Variants in CSRNP3 observed in about 807,000 individuals in gnomAD.
CSRNP3 encodes cysteine/serine-rich nuclear protein 3.
CSRNP3 carries 12 observed loss-of-function variants against 48.0 expected under a neutral mutation model. The ratio of observed to expected loss-of-function variants is 0.25; its 90% CI spans 0.16 to 0.41. The LOEUF is 0.41. Ranked by LOEUF, CSRNP3 falls within the 10% of genes least tolerant of loss-of-function variation. The probability of loss-of-function intolerance (pLI) is 1.00; values close to 1 mark genes in which losing one functional copy is unlikely to be tolerated. For synonymous variants in CSRNP3, 263 were observed against 269.7 expected (o/e 0.98, Z 0.24); for missense variants, 580 against 724.4 (o/e 0.80, Z 2.29).
chr2:165,655,142 C>T (rs1686981490), intron 4 of CSRNP3, among the ~76,000 whole-genome samples: 1 of 152,192 alleles, frequency 6.6e-6, no homozygotes, highest in Non-Finnish European at 1.5e-5. Flanking sequence ...CAATTAGAGT[C>T]AATTTTTTTC....
At chr2:165,515,414 T>G (rs1684565568) in intron 2 of CSRNP3, among the ~76,000 whole-genome samples, 1 of 151,446 alleles carries the variant, frequency 6.6e-6, no homozygotes, top group Non-Finnish European at 1.5e-5. Context: ...TAGAATATCT[T>G]AATGCCTAAA....
At chr2:165,490,608 T>C (rs1338952966) in intron 1 of CSRNP3, among the ~76,000 whole-genome samples, 2 of 144,796 alleles carry the variant, frequency 1.4e-5, no homozygotes, top group Non-Finnish European at 3.0e-5. Flanking sequence ...GAGATATAGA[T>C]CAATGGAACA....
chr2:165,654,463 A>G, intron 4 of CSRNP3, among the ~76,000 whole-genome samples: 1 of 152,120 alleles, frequency 6.6e-6, no homozygotes, highest in East Asian at 1.9e-4. Flanking sequence ...GGAGAAGCAA[A>G]ACAATGGAGA....
intron 5 of CSRNP3, among the ~76,000 whole-genome samples, chr2:165,661,939 G>A (rs576565666): frequency 6.6e-6 from 1 of 152,220 alleles, no homozygotes; most frequent in South Asian, 2.1e-4. Context: ...CCCCAAAACA[G>A]GAAGAAGAAG....
At position 165,586,219 on chromosome 2, in the gene CSRNP3, G is replaced by A. The variant is rs547462163; in HGVS notation, c.-23-8824G>A. Among the ~76,000 whole-genome samples the A allele has an allele frequency of 2.0e-5, 3 of 152,200 alleles. No individual in the cohort carries two copies. The South Asian group carries it at 6.2e-4, about 32-fold the overall frequency. On this transcript the variant is annotated intron_variant, in intron 3 of 6. Transcript: ENST00000651982. ...CTCAGCACTCAAACTTTTTCAGATT[G>A]TTTGGTAAATTCATGATTCACCTTT...
intron 3 of CSRNP3, among the ~76,000 whole-genome samples, chr2:165,581,717 A>C (rs1685550931): frequency 6.6e-6 from 1 of 151,956 alleles, no homozygotes; most frequent in Non-Finnish European, 1.5e-5. Flanking sequence ...TTGTATTTTT[A>C]GTAGAGATGG....
At chr2:165,655,635 C>T (rs914021374) in intron 4 of CSRNP3, among the ~76,000 whole-genome samples, 3 of 152,192 alleles carry the variant, frequency 2.0e-5, no homozygotes, top group South Asian at 2.1e-4. Context: ...GCAGAAACTG[C>T]TCACTGTTCG....
chr2:165,654,699 G>A (rs745771605), intron 4 of CSRNP3, among the ~76,000 whole-genome samples: 11 of 151,692 alleles, frequency 7.3e-5, no homozygotes, highest in Non-Finnish European at 1.3e-4. Context: ...GTGTGATTTC[G>A]GCTCACTGCA....
intron 2 of CSRNP3, among the ~76,000 whole-genome samples, chr2:165,515,805 T>C (rs1448526444): frequency 1.5e-5 from 2 of 137,860 alleles, no homozygotes; most frequent in Non-Finnish European, 3.1e-5. Flanking sequence ...TCCTTTCTTT[T>C]TTTTTTTTTT....
chr2:165,496,448 A>G (rs893430371), intron 2 of CSRNP3, among the ~76,000 whole-genome samples: 2 of 152,018 alleles, frequency 1.3e-5, no homozygotes, highest in African/African-American at 2.4e-5. Context: ...TGAGCACTGG[A>G]TGATGCTTGC....
intron 4 of CSRNP3, among the ~76,000 whole-genome samples, chr2:165,623,336 C>T (rs1287283009): frequency 2.0e-5 from 3 of 152,154 alleles, no homozygotes; most frequent in Non-Finnish European, 2.9e-5. Context: ...ATTAGATTCT[C>T]GTGGGAGCAC....
At chr2:165,574,632 T>A (rs967900595) in intron 3 of CSRNP3, among the ~76,000 whole-genome samples, 1 of 152,102 alleles carries the variant, frequency 6.6e-6, no homozygotes, top group Non-Finnish European at 1.5e-5. Context: ...TAATTTCATG[T>A]GAGAAAAAAC....
intron 5 of CSRNP3, among the ~76,000 whole-genome samples, chr2:165,664,749 C>T (rs1007910618): frequency 2.6e-5 from 4 of 152,064 alleles, no homozygotes; most frequent in African/African-American, 9.7e-5. Flanking sequence ...CTCCCAAGTT[C>T]GGGATGTTCT....
intron 3 of CSRNP3, among the ~76,000 whole-genome samples, chr2:165,550,305 C>G (rs981627014): frequency 2.0e-5 from 3 of 152,102 alleles, no homozygotes; most frequent in Non-Finnish European, 2.9e-5. Flanking sequence ...AAATAAGACT[C>G]TATTTTAGAG....
intron 4 of CSRNP3, among the ~76,000 whole-genome samples, chr2:165,602,991 G>A (rs1180768850): frequency 6.6e-6 from 1 of 151,922 alleles, no homozygotes; most frequent in Non-Finnish European, 1.5e-5. Flanking sequence ...GCCCCACGGG[G>A]TTCACGCCAT....
At chr2:165,617,829 G>C (rs1686275831) in intron 4 of CSRNP3, among the ~76,000 whole-genome samples, 1 of 152,196 alleles carries the variant, frequency 6.6e-6, no homozygotes, top group Admixed American at 6.5e-5. Flanking sequence ...ATTGTTCCTA[G>C]GGGTGTAGGG....
chr2:165,548,300 C>CT (rs1280672101), intron 3 of CSRNP3, among the ~76,000 whole-genome samples: 5 of 152,026 alleles, frequency 3.3e-5, no homozygotes, highest in Non-Finnish European at 5.9e-5. Flanking sequence ...CTGCCACTTA[C>CT]TAATAGTAGG....
chr2:165,632,533 G>C (rs1385335070), intron 4 of CSRNP3, among the ~76,000 whole-genome samples: 2 of 151,938 alleles, frequency 1.3e-5, no homozygotes, highest in African/African-American at 4.8e-5. Flanking sequence ...CAAAAATAAG[G>C]AAACCAAATG....
intron 3 of CSRNP3, among the ~76,000 whole-genome samples, chr2:165,533,374 G>T (rs1684840354): frequency 6.6e-6 from 1 of 152,008 alleles, no homozygotes; most frequent in Non-Finnish European, 1.5e-5. Flanking sequence ...CAAATTGATG[G>T]AGGAGCTATT....
Sources: gnomAD v4.1 joint callset for allele counts (sites outside exome capture counted in the v4.1 genomes callset) on GRCh38, gnomAD v4.1.1 for gene constraint, MANE v1.5 for transcripts, NCBI Gene and HGNC (gene_info 2026-07-23, HGNC 2026-07-21) for gene names.